The following RANBP2 variants were observed in gnomAD, a reference collection of about 807,000 sequenced individuals.
RANBP2 encodes E3 SUMO-protein ligase RanBP2.
A neutral mutation model predicts 303.6 loss-of-function variants in RANBP2; 57 were observed. That is an observed-to-expected ratio of 0.19 (90% CI 0.15 to 0.23). The LOEUF (loss-of-function observed/expected upper bound fraction) is 0.23. Ranked by LOEUF, RANBP2 falls within the 10% of genes least tolerant of loss-of-function variation. RANBP2 has a pLI of 1.00. For synonymous variants in RANBP2, 1,167 were observed against 1,301.5 expected, an observed-to-expected ratio of 0.90 and a Z score of 2.23; for missense variants, 3,138 against 3,780.8, an observed-to-expected ratio of 0.83 and a Z score of 4.46.
At chr2:108,780,353 C>T (rs930382438) in intron 25 of RANBP2, among the ~76,000 whole-genome samples, 9 of 138,858 alleles carry the variant, frequency 6.5e-5, no homozygotes, top group East Asian at 4.1e-4. Context: ...CCACCACGCC[C>T]GGCTAATTTT....
chr2:109,642,020 G>T, the RANBP2 span, among the ~76,000 whole-genome samples: 16 of 152,248 alleles, frequency 1.1e-4, no homozygotes, highest in South Asian at 3.3e-3. Context: ...TGACCAGGCT[G>T]GTCTTGAACT....
the RANBP2 span, among the ~76,000 whole-genome samples, chr2:109,693,761 A>C: frequency 1.3e-5 from 2 of 152,190 alleles, no homozygotes; most frequent in Non-Finnish European, 2.9e-5. Flanking sequence ...CAATGTTCAT[A>C]TTAAATATGT....
At chr2:108,930,348 G>T in the RANBP2 span, 2 of 1,295,798 alleles carry the variant, frequency 1.5e-6, no homozygotes, top group East Asian at 2.3e-5. Context: ...TGCGGTGGGG[G>T]CTCTGCTGGG....
chr2:109,223,363 G>A, the RANBP2 span, among the ~76,000 whole-genome samples: 5 of 152,192 alleles, frequency 3.3e-5, no homozygotes, highest in South Asian at 2.1e-4. Flanking sequence ...TCTGAAGCCC[G>A]AAGAAGCAGG....
At chr2:109,704,670 C>T in the RANBP2 span, among the ~76,000 whole-genome samples, 4 of 151,758 alleles carry the variant, frequency 2.6e-5, no homozygotes, top group African/African-American at 7.2e-5. Flanking sequence ...ACTAACGTGG[C>T]GAAACCTCGT....
Position 108,771,882 on chromosome 2 carries a change from T to G in RANBP2, c.8020+11T>G. 3 of 1,613,892 alleles carry G rather than the reference T, an allele frequency of 1.9e-6. No individual in the cohort carries two copies. Among genetic ancestry groups the G allele is most frequent in the Non-Finnish European group, 2.5e-6 (3 of 1,179,862 alleles). On this transcript the variant is annotated intron_variant, in intron 21 of 28. Coordinates refer to ENST00000283195, the MANE Select transcript of RANBP2 (RefSeq NM_006267.5). ...AAGAAGAGGAGGATGGTAAAACTTT[T>G]GTTATTTCAAAAATCCTCTGTTCCC... is the stretch of plus-strand genomic sequence containing the variant.
chr2:109,217,753 C>A, the RANBP2 span, among the ~76,000 whole-genome samples: 3 of 152,178 alleles, frequency 2.0e-5, no homozygotes, highest in Admixed American at 2.0e-4. Flanking sequence ...GGCCACTCAA[C>A]TAATAGATCA....
the RANBP2 span, among the ~76,000 whole-genome samples, chr2:108,859,472 C>G: frequency 1.3e-5 from 2 of 152,112 alleles, no homozygotes; most frequent in Non-Finnish European, 2.9e-5. Context: ...AATTTTTTGC[C>G]TAGGCCAATG....
At chr2:109,429,176 T>C in the RANBP2 span, among the ~76,000 whole-genome samples, 1 of 152,034 alleles carries the variant, frequency 6.6e-6, no homozygotes. Flanking sequence ...CTCCAAGGCC[T>C]CCTCTTGAGT....
chr2:109,010,352 C>T, the RANBP2 span, among the ~76,000 whole-genome samples: 1 of 146,134 alleles, frequency 6.8e-6, no homozygotes, highest in African/African-American at 2.5e-5. Context: ...CCCACACACT[C>T]TTCCCATCCT....
At chr2:109,573,262 A>C in the RANBP2 span, among the ~76,000 whole-genome samples, 1 of 152,206 alleles carries the variant, frequency 6.6e-6, no homozygotes, top group South Asian at 2.1e-4. Context: ...CAGCTAATAA[A>C]TGACAGAGCC....
chr2:109,112,456 G>A, the RANBP2 span, among the ~76,000 whole-genome samples: 22 of 152,258 alleles, frequency 1.4e-4, no homozygotes, highest in Admixed American at 8.5e-4. Context: ...TGTTCACATC[G>A]TTTGCCCACT....
chr2:108,856,921 A>G, the RANBP2 span: 1 of 1,612,348 alleles, frequency 6.2e-7, no homozygotes, highest in Non-Finnish European at 8.5e-7. Context: ...CCAGTAAAGG[A>G]CTCCTGTCTA....
the RANBP2 span, among the ~76,000 whole-genome samples, chr2:108,856,406 AC>A: frequency 1.3e-5 from 2 of 152,244 alleles, no homozygotes; most frequent in South Asian, 4.1e-4. Context: ...GGAAGCAGCA[AC>A]AAAACATAAT....
At chr2:108,910,799 T>C in the RANBP2 span, 2 of 1,613,532 alleles carry the variant, frequency 1.2e-6, no homozygotes, top group African/African-American at 2.7e-5. Context: ...CTTCTCCTCG[T>C]CCTTGCTCAC....
chr2:109,231,851 AG>A, the RANBP2 span, among the ~76,000 whole-genome samples: 5 of 152,194 alleles, frequency 3.3e-5, no homozygotes, highest in African/African-American at 1.2e-4. Context: ...TTTGCCATTA[AG>A]AAAAACAGCT....
At chr2:109,729,441 A>G in the RANBP2 span, among the ~76,000 whole-genome samples, 11 of 152,088 alleles carry the variant, frequency 7.2e-5, no homozygotes, top group Non-Finnish European at 1.5e-4. Context: ...GAGGTCAGGA[A>G]TTCGAGCCCA....
chr2:108,755,305 C>T (rs762135446), intron 17 of RANBP2, 46 bp downstream of exon 17: 1 of 1,610,730 alleles, frequency 6.2e-7, no homozygotes, highest in Non-Finnish European at 8.5e-7. Context: ...TCCAAGATTC[C>T]TTCCCTGGCC....
At chr2:109,437,210 G>A in the RANBP2 span, 2 of 1,530,886 alleles carry the variant, frequency 1.3e-6, no homozygotes, top group South Asian at 2.5e-5. Flanking sequence ...ACATGCTTGT[G>A]AGACACATCT....
Sources: allele counts gnomAD v4.1 joint callset (sites outside exome capture counted in the v4.1 genomes callset), GRCh38; gene constraint gnomAD v4.1.1; transcripts MANE v1.5; gene names NCBI Gene and HGNC (gene_info 2026-07-23, HGNC 2026-07-21).